KCNH1: variants seen among roughly 807,000 people sequenced by gnomAD.
KCNH1 encodes the protein voltage-gated delayed rectifier potassium channel KCNH1.
Under a neutral mutation model 69.2 loss-of-function variants are expected in KCNH1, and 27 were observed. The observed-to-expected ratio is 0.39, with a 90% CI of 0.29 to 0.54. The LOEUF (loss-of-function observed/expected upper bound fraction) is 0.54. Ranked by LOEUF, KCNH1 falls within the 20% of genes least tolerant of loss-of-function variation. The pLI is 0.68. For missense variants in KCNH1, 798 were observed against 1,261.6 expected, an observed-to-expected ratio of 0.63 and a Z score of 5.57; for synonymous variants, 456 against 487.7, an observed-to-expected ratio of 0.93 and a Z score of 0.86.
chr1:210,923,332 T>TCC (rs1189686637), intron 6 of KCNH1, among the ~76,000 whole-genome samples: 3 of 152,194 alleles, frequency 2.0e-5, no homozygotes, highest in Non-Finnish European at 4.4e-5. Flanking sequence ...CCTCGACCAC[T>TCC]CCCACTCCTA....
At chr1:210,797,940 TCTGTGCTGAATGTTCAGGA>T (rs1249875753) in intron 8 of KCNH1, among the ~76,000 whole-genome samples, 180 bp from the exon 9 acceptor site, 1 of 152,012 alleles carries the variant, frequency 6.6e-6, no homozygotes, top group Non-Finnish European at 1.5e-5. Flanking sequence ...CTAAAAAAAA[TCTGTGCTGAATGTTCAGGA>T]CAGGGGTCTG....
intron 1 of KCNH1, among the ~76,000 whole-genome samples, chr1:211,112,501 TAA>T (rs74258707): frequency 0.013 from 1,649 of 126,354 alleles, 11 homozygotes; most frequent in South Asian, 0.029. Context: ...ATTAAATAAA[TAA>T]AAAAAAAAAA....
At chr1:211,068,861 A>C (rs1439958878) in intron 5 of KCNH1, among the ~76,000 whole-genome samples, 1 of 152,178 alleles carries the variant, frequency 6.6e-6, no homozygotes, top group East Asian at 1.9e-4. Context: ...TCTAAACTGT[A>C]ACTGAAAAAT....
At chr1:210,714,947 C>G (rs1391918338) in intron 10 of KCNH1, among the ~76,000 whole-genome samples, 6 of 152,178 alleles carry the variant, frequency 3.9e-5, no homozygotes, top group Non-Finnish European at 7.4e-5. Context: ...TATCTCCTCC[C>G]AAAGGGACCA....
intron 6 of KCNH1, among the ~76,000 whole-genome samples, chr1:210,959,697 A>G (rs924086707): frequency 6.6e-6 from 1 of 152,186 alleles, no homozygotes; most frequent in Admixed American, 6.5e-5. Flanking sequence ...CTCCATGGGC[A>G]TGGGACCCAC....
intron 9 of KCNH1, among the ~76,000 whole-genome samples, chr1:210,777,043 A>T (rs1430682006): frequency 6.6e-6 from 1 of 152,220 alleles, no homozygotes; most frequent in African/African-American, 2.4e-5. Flanking sequence ...CAAAGGGTGA[A>T]AAGTAATGTA....
Position 210,804,166 on chromosome 1 carries a change from G to T in KCNH1, c.1463C>A (p.Ser488Ter). ...IFAVAIMMIG[S>*]LLYATIFGNV... ...CCCGAAGATGGTGGCATAGAGAAGTGCTAGAGGTGAGGAGGAGGAGCAAAA... is the reference window on the plus strand; with the variant it reads ...CCCGAAGATGGTGGCATAGAGAAGTTCTAGAGGTGAGGAGGAGGAGCAAAA... Residue 488 changes from serine to a stop codon, truncating the protein, a stop_gained and splice_region_variant, in exon 8 of 11, where the codon TCA (serine) becomes TAA (stop). Transcript: ENST00000271751. LOFTEE classifies it high-confidence loss of function. 6.2e-7 allele frequency: 1 copy of T among 1,609,022 alleles called. No homozygotes were observed. Among genetic ancestry groups the T allele is most frequent in the Non-Finnish European group, 8.5e-7 (1 of 1,177,210 alleles).
At chr1:211,046,728 C>T (rs1690100436) in intron 5 of KCNH1, among the ~76,000 whole-genome samples, 1 of 152,150 alleles carries the variant, frequency 6.6e-6, no homozygotes, top group African/African-American at 2.4e-5. Context: ...ATACAAAATA[C>T]AATTTCATCC....
Position 211,090,662 on chromosome 1 carries a change from A to T in KCNH1, c.339T>A (p.Ile113=), listed in dbSNP as rs1691036202. Residue 113 remains isoleucine, a synonymous_variant, in exon 4 of 11, where the codon ATT becomes ATA. Coordinates refer to ENST00000271751, the MANE Select transcript of KCNH1 (RefSeq NM_172362.3). ...TATCCTGTTCGTTTCGAATTGGAGC[A>T]ATTTTCACAAAGAACCACACAGGTG... ...NRTPVWFFVK[I]APIRNEQDKV... The T allele has an allele frequency of 1.2e-6, 2 of 1,606,404 alleles. No homozygotes were observed. Among genetic ancestry groups the T allele is most frequent in the Non-Finnish European group, 1.7e-6 (2 of 1,178,536 alleles).
At chr1:210,851,248 A>G (rs1283904185) in intron 7 of KCNH1, among the ~76,000 whole-genome samples, 1 of 152,180 alleles carries the variant, frequency 6.6e-6, no homozygotes, top group African/African-American at 2.4e-5. Flanking sequence ...GTCTCCCTCA[A>G]AGTGTTCTTG....
intron 1 of KCNH1, chr1:211,108,739 G>A (rs1220277905): frequency 1.3e-5 from 2 of 152,144 alleles, no homozygotes; most frequent in Non-Finnish European, 2.9e-5. Flanking sequence ...TATTTAAAAG[G>A]AACAGAAAAT....
intron 10 of KCNH1, among the ~76,000 whole-genome samples, chr1:210,760,586 G>A (rs1476477758): frequency 6.6e-6 from 1 of 152,194 alleles, no homozygotes; most frequent in Non-Finnish European, 1.5e-5. Flanking sequence ...CTGTTTTCAT[G>A]CTTCTGATAA....
chr1:210,859,372 T>C, intron 7 of KCNH1: 3 of 1,547,386 alleles, frequency 1.9e-6, no homozygotes, highest in Non-Finnish European at 2.7e-6. Flanking sequence ...CCACACAGGA[T>C]TATGATTTCG....
intron 5 of KCNH1, 123 bp downstream of exon 5, chr1:211,082,657 A>C (rs1050408926): frequency 1.3e-6 from 1 of 754,264 alleles, no homozygotes; most frequent in African/African-American, 1.7e-5. Context: ...AAGCCCAGCC[A>C]AGACAGGCGT....
chr1:210,708,682 C>G (rs1181996077), intron 10 of KCNH1, among the ~76,000 whole-genome samples: 1 of 152,022 alleles, frequency 6.6e-6, no homozygotes, highest in Admixed American at 6.6e-5. Context: ...AGCCTGCAGT[C>G]GGAAATAACT....
intron 6 of KCNH1, among the ~76,000 whole-genome samples, chr1:211,012,523 A>G (rs931843437): frequency 6.6e-6 from 1 of 152,240 alleles, no homozygotes; most frequent in Non-Finnish European, 1.5e-5. Flanking sequence ...GCTAAGTGAA[A>G]GAAACCAATC....
At chr1:211,080,714 G>A (rs1306806639) in intron 5 of KCNH1, among the ~76,000 whole-genome samples, 3 of 152,124 alleles carry the variant, frequency 2.0e-5, no homozygotes, top group African/African-American at 7.2e-5. Context: ...ACAAGAAATG[G>A]GGAAAGGATT....
In KCNH1 at chr1:210,911,490, T is replaced by C. The variant is rs148605048; in HGVS notation, c.1462+8150A>G. Among the ~76,000 whole-genome samples, 499 of 152,136 alleles carry C rather than the reference T, an allele frequency of 3.3e-3. 2 individuals carry two copies. Among genetic ancestry groups the C allele is most frequent in the African/African-American group, 0.011 (474 of 41,514 alleles). ...TAGTAATATTTTGCTTCTATGTCTG[T>C]TGTCTCCTTTGAAACATGTAACTAA... is the stretch of plus-strand genomic sequence containing the variant. On this transcript the variant is annotated intron_variant, in intron 7 of 10. Transcript: ENST00000271751.
intron 7 of KCNH1, among the ~76,000 whole-genome samples, chr1:210,819,051 G>T (rs2102423722): frequency 6.6e-6 from 1 of 152,196 alleles, no homozygotes; most frequent in South Asian, 2.1e-4. Context: ...ATTTTAATAT[G>T]TTTAAGGAAA....
Sources: allele counts gnomAD v4.1 joint callset (sites outside exome capture counted in the v4.1 genomes callset), GRCh38; gene constraint gnomAD v4.1.1; transcripts MANE v1.5; gene names NCBI Gene and HGNC (gene_info 2026-07-23, HGNC 2026-07-21).